The following AHRR variants were observed in gnomAD, a reference collection of about 807,000 sequenced individuals.
AHRR encodes ahR repressor.
AHRR carries 28 observed loss-of-function variants against 44.0 expected under a neutral mutation model. The observed-to-expected ratio is 0.64, with a 90% CI of 0.47 to 0.87. The LOEUF is 0.87. Ranked by LOEUF, AHRR falls within the 40% of genes least tolerant of loss-of-function variation. The pLI, the probability that AHRR is intolerant of heterozygous loss-of-function variation, is 0.00. For synonymous variants in AHRR, 434 were observed against 407.0 expected (o/e 1.07, Z -0.80); for missense variants, 990 against 953.9 (o/e 1.04, Z -0.50).
chr5:394,872 C>G (rs981220535), intron 4 of AHRR, among the ~76,000 whole-genome samples: 17 of 152,178 alleles, frequency 1.1e-4, no homozygotes, highest in African/African-American at 3.9e-4. Flanking sequence ...ACTTTTGCCC[C>G]GAGTCCTCCC....
At chr5:422,096 G>C (rs1349927910) in intron 5 of AHRR, among the ~76,000 whole-genome samples, 1 of 152,092 alleles carries the variant, frequency 6.6e-6, no homozygotes, top group Non-Finnish European at 1.5e-5. Context: ...GCCTTCCTCA[G>C]GCGCCGACAC....
chr5:390,612 C>T (rs574292204), intron 4 of AHRR, among the ~76,000 whole-genome samples: 8 of 152,206 alleles, frequency 5.3e-5, no homozygotes, highest in East Asian at 3.9e-4. Context: ...GCCTGAGAGA[C>T]GCCGGGGGTC....
In AHRR at chr5:337,349, A is replaced by G. The variant is rs1742176700; in HGVS notation, c.-10-6544A>G. ...GTATGTCTAAAACGTGGATTTTAAA[A>G]AATCAGCTCTCTGTTTTTCTTTATG... On this transcript the variant is annotated intron_variant, in intron 1 of 10. Coordinates refer to ENST00000684583, the MANE Select transcript of AHRR (RefSeq NM_001377236.1). This position sits in a 1 kb window ranked among gnomAD's most constrained non-coding sequence, Gnocchi z 4.1. Among the ~76,000 whole-genome samples the G allele has an allele frequency of 6.6e-6, 1 of 152,174 alleles. No individual in the cohort carries two copies. Among genetic ancestry groups the G allele is most frequent in the South Asian group, 2.1e-4 (1 of 4,832 alleles).
chr5:387,781 G>T lies in AHRR; in HGVS notation c.351+11065G>T, dbSNP rs1230799292. 1.3e-5 allele frequency among the ~76,000 whole-genome samples: 2 copies of T among 152,192 alleles called. No individual in the cohort carries two copies. Among genetic ancestry groups the T allele is most frequent in the Non-Finnish European group, 2.9e-5 (2 of 68,028 alleles). Reference sequence around the variant, plus strand: ...TTGGCGACACCATGTCAGCTTCCTGGGGCAGCCTTAATGAATGACTGCAAA... The same window carrying T: ...TTGGCGACACCATGTCAGCTTCCTGTGGCAGCCTTAATGAATGACTGCAAA... On this transcript the variant is annotated intron_variant, in intron 4 of 10. Coordinates refer to ENST00000684583, the MANE Select transcript of AHRR (RefSeq NM_001377236.1). This position sits in a 1 kb window ranked among gnomAD's most constrained non-coding sequence, Gnocchi z 5.1.
intron 3 of AHRR, among the ~76,000 whole-genome samples, chr5:360,611 G>A (rs972187733): frequency 1.3e-5 from 2 of 152,158 alleles, no homozygotes; most frequent in African/African-American, 2.4e-5. Context: ...AGCTGTGGTC[G>A]TAGAGAACAC....
intron 1 of AHRR, among the ~76,000 whole-genome samples, chr5:329,264 G>A (rs747945170): frequency 2.0e-5 from 3 of 152,018 alleles, no homozygotes; most frequent in Non-Finnish European, 4.4e-5. Flanking sequence ...GTGCATTGGC[G>A]CATAGCTCAC....
intron 3 of AHRR, among the ~76,000 whole-genome samples, chr5:365,987 G>GT (rs1468368956): frequency 2.0e-5 from 3 of 151,980 alleles, no homozygotes; most frequent in Non-Finnish European, 2.9e-5. Context: ...GGAGGTATTG[G>GT]TGTGAGCTCA....
intron 3 of AHRR, among the ~76,000 whole-genome samples, chr5:359,350 G>A (rs1403230459): frequency 2.1e-5 from 2 of 95,248 alleles, no homozygotes; most frequent in Non-Finnish European, 2.7e-5. Context: ...CTCAGTCACG[G>A]AGTCCACCCG....
intron 1 of AHRR, among the ~76,000 whole-genome samples, chr5:323,625 G>A (rs1741583221): frequency 6.6e-6 from 1 of 152,224 alleles, no homozygotes; most frequent in Non-Finnish European, 1.5e-5. Context: ...GAGGGAGACG[G>A]CTTGTGGCTT....
At position 432,827 on chromosome 5, in the gene AHRR, G is replaced by A. The variant is rs1736796408; in HGVS notation, c.992G>A (p.Gly331Asp). 1 of 1,613,760 alleles carries A rather than the reference G, an allele frequency of 6.2e-7. No individual in the cohort carries two copies. The highest frequency in any genetic ancestry group is 1.3e-5 in the African/African-American group (1 of 74,938). ...ACAGGAAGGAGCAGCAGAGAGAGCG[G>A]CGTTTTGGTGCTCAGGGAACAGACT... is the stretch of plus-strand genomic sequence containing the variant. ...YSAGRSSRES[G>D]VLVLREQTDA... The change falls in exon 10 of 11, where the codon GGC becomes GAC. Residue 331 changes from glycine to aspartate, a missense_variant. By Grantham distance (94) the Gly-to-Asp change is moderately conservative. Transcript: ENST00000684583.
At chr5:373,633 T>G (rs1188432440) in intron 3 of AHRR, among the ~76,000 whole-genome samples, 1 of 142,134 alleles carries the variant, frequency 7.0e-6, no homozygotes, top group Non-Finnish European at 1.5e-5. Flanking sequence ...AGGAGGAGAC[T>G]GGGGCTGGAG....
intron 1 of AHRR, among the ~76,000 whole-genome samples, chr5:340,664 T>TTATATTTATATATATATATATATATATA (rs1742298023): frequency 6.3e-5 from 2 of 31,962 alleles, no homozygotes; most frequent in African/African-American, 2.2e-4. Flanking sequence ...CACAGCAATA[T>TTATATTTATATATATATATATATATATA]TATATATATA....
At position 376,660 on chromosome 5, in the gene AHRR, G is replaced by A. The variant is rs184336270; in HGVS notation, c.295G>A (p.Gly99Arg). ...RQPAAGAPSPGDSCPLAGSAV... is the reference protein window; with the variant it reads ...RQPAAGAPSPRDSCPLAGSAV... The stretch of plus-strand genomic sequence containing the variant: ...GCCTGCGGCCGGCGCCCCCTCGCCC[G>A]GAGACAGCTGTCCTCTTGCAGGGTC... The change falls in exon 4 of 11, where the codon GGA becomes AGA. Residue 99 changes from glycine (G) to arginine (R), a missense_variant. Transcript: ENST00000684583. 355 of 1,434,280 alleles carry A rather than the reference G, an allele frequency of 2.5e-4. 2 individuals carry two copies. In the African/African-American group the frequency reaches 4.1e-3, roughly 16 times the overall value. The allele number at this position is 1,434,280 out of a possible 1,614,324, so 88.8% of individuals were successfully genotyped here. A position where few individuals can be genotyped will look rare whatever the true frequency, so the allele number is the denominator to read the frequency against.
chr5:427,509 T>G, intron 7 of AHRR: 17 of 1,128,718 alleles, frequency 1.5e-5, no homozygotes, highest in African/African-American at 1.5e-5. Flanking sequence ...CACCTGCGCA[T>G]GGGGTGGCAC....
At chr5:376,460 CGT>C (rs1350239072) in intron 3 of AHRR, 148 bp from the exon 4 acceptor site, 1 of 12,830 alleles carries the variant, frequency 7.8e-5, no homozygotes, top group Non-Finnish European at 1.4e-3. Flanking sequence ...TGGAATGCTG[CGT>C]GGCCTGCAGA....
chr5:421,162 C>A, intron 5 of AHRR: 1 of 580,702 alleles, frequency 1.7e-6, no homozygotes, highest in Non-Finnish European at 3.0e-6. Flanking sequence ...GCCTGGGAGG[C>A]CGCTCTGGCG....
At chr5:433,652 C>T (rs1452875204) in intron 10 of AHRR, among the ~76,000 whole-genome samples, 3 of 152,094 alleles carry the variant, frequency 2.0e-5, no homozygotes, top group Non-Finnish European at 4.4e-5. Flanking sequence ...GCCCCAGGCA[C>T]GCAGTGGGGG....
intron 4 of AHRR, among the ~76,000 whole-genome samples, chr5:399,275 C>T (rs1270786953): frequency 6.6e-6 from 1 of 152,204 alleles, no homozygotes; most frequent in African/African-American, 2.4e-5. Context: ...CCACCAGGAC[C>T]CCGGCAGGAT....
At chr5:420,353 A>G (rs1186586619) in intron 5 of AHRR, among the ~76,000 whole-genome samples, 1 of 152,234 alleles carries the variant, frequency 6.6e-6, no homozygotes, top group African/African-American at 2.4e-5. Context: ...GGCAACAGGA[A>G]GTCAAGGGAG....
Sources: allele counts gnomAD v4.1 joint callset (sites outside exome capture counted in the v4.1 genomes callset), GRCh38; gene constraint gnomAD v4.1.1; non-coding constraint Gnocchi (gnomAD v3.1); transcripts MANE v1.5; gene names NCBI Gene and HGNC (gene_info 2026-07-23, HGNC 2026-07-21).